GTSE1: variants seen among roughly 807,000 people sequenced by gnomAD.
The protein encoded by GTSE1 is G2 and S-phase expressed 1, also known as G2 and S phase-expressed protein 1.
A neutral mutation model predicts 60.5 loss-of-function variants in GTSE1; 52 were observed. The ratio of observed to expected loss-of-function variants is 0.86; its 90% confidence interval spans 0.69 to 1.08. GTSE1 has a LOEUF of 1.08. GTSE1 is among the 50% of genes least tolerant of loss of function. The pLI is 0.00. For missense variants in GTSE1, 937 were observed against 961.8 expected, an observed-to-expected ratio of 0.97 and a Z score of 0.34; for synonymous variants, 368 against 386.5, an observed-to-expected ratio of 0.95 and a Z score of 0.56.
At position 46,324,469 on chromosome 22, in the gene GTSE1, G is replaced by A. The variant is rs541875924; in HGVS notation, c.1505+1207G>A. On this transcript the variant is annotated intron_variant, in intron 8 of 11. Transcript: ENST00000454366. The surrounding 1 kb of genome is among the most constrained non-coding windows in gnomAD (Gnocchi z 5.2). Reference sequence around the variant, plus strand: ...GGTAAGCTCCGCCTCCTGGATTCACGCCATTCTCCTGCCTCAGCCTCCCAA... The same window carrying A: ...GGTAAGCTCCGCCTCCTGGATTCACACCATTCTCCTGCCTCAGCCTCCCAA... Among the ~76,000 whole-genome samples, 90 of 152,154 alleles carry A rather than the reference G, an allele frequency of 5.9e-4. 1 individual carries two copies. In the South Asian group the frequency reaches 8.9e-3, roughly 15 times the overall value.
chr22:46,311,716 T>C (rs879297204), intron 4 of GTSE1, among the ~76,000 whole-genome samples: 6 of 152,234 alleles, frequency 3.9e-5, no homozygotes, highest in Non-Finnish European at 5.9e-5. Context: ...CTTTCAGTAC[T>C]AGACCAAGAA....
chr22:46,308,333 A>T lies in GTSE1; in HGVS notation c.152A>T (p.Asp51Val). ...TAAACAAATAGTGCAAATGAAGATG[A>T]TGAAGTCTTCTTCGGACCCTTTGGA... ...SLSSSSANED[D>V]EVFFGPFGHK... Residue 51 changes from aspartate to valine, a missense_variant, in exon 4 of 12, where the codon GAT becomes GTT. Physicochemically the swap from Asp to Val is radical, Grantham distance 152. Transcript: ENST00000454366. The T allele has an allele frequency of 1.9e-6, 3 of 1,613,046 alleles. No homozygotes were observed. Among genetic ancestry groups the T allele is most frequent in the Non-Finnish European group, 2.5e-6 (3 of 1,179,102 alleles).
Position 46,304,571 on chromosome 22 carries a change from A to T in GTSE1, c.80-3579A>T, listed in dbSNP as rs979634362. ...CTAGTAATAAAATGATTATATGAGT[A>T]GATTGTATGAAATGAAACCATCTCA... On this transcript the variant is annotated intron_variant, in intron 2 of 11. Coordinates refer to ENST00000454366, the MANE Select transcript of GTSE1 (RefSeq NM_016426.7). This position sits in a 1 kb window ranked among gnomAD's most constrained non-coding sequence, Gnocchi z 4.4. Among the ~76,000 whole-genome samples the T allele has an allele frequency of 3.3e-5, 5 of 152,242 alleles. No individual in the cohort carries two copies. The highest frequency in any genetic ancestry group is 1.2e-4 in the African/African-American group (5 of 41,468).
chr22:46,330,113 C>A lies in GTSE1; in HGVS notation c.2203C>A (p.Pro735Thr). ...PEADKENVDS[P>T]LLKF Reference sequence around the variant, plus strand: ...GGCTGACAAGGAGAACGTGGATTCCCCACTCCTCAAGTTCTAAGCCGAACC... The same window carrying A: ...GGCTGACAAGGAGAACGTGGATTCCACACTCCTCAAGTTCTAAGCCGAACC... Residue 735 changes from proline (P) to threonine (T), a missense_variant, in exon 12 of 12, where the codon CCA becomes ACA. Physicochemically the swap from Pro to Thr is conservative, Grantham distance 38 (BLOSUM62 -1). Transcript: ENST00000454366. The surrounding 1 kb of genome is among the most constrained non-coding windows in gnomAD (Gnocchi z 6.0). The A allele has an allele frequency of 6.2e-7, 1 of 1,603,626 alleles. No individual in the cohort carries two copies.
rs1251214775 is a variant in GTSE1, at chr22:46,321,612, G to T, written c.1433-1578G>T. On this transcript the variant is annotated intron_variant, in intron 7 of 11. Transcript: ENST00000454366. This position sits in a 1 kb window ranked among gnomAD's most constrained non-coding sequence, Gnocchi z 4.0. The stretch of plus-strand genomic sequence containing the variant: ...AACGGAGTTTCTGAAGAATGCGGAG[G>T]TAGCAATGTGGGTGCGTGATTTAGA... Among the ~76,000 whole-genome samples the T allele has an allele frequency of 6.6e-6, 1 of 152,182 alleles. No individual in the cohort carries two copies. The highest frequency in any genetic ancestry group is 1.5e-5 in the Non-Finnish European group (1 of 68,038).
At position 46,329,545 on chromosome 22, in the gene GTSE1, A is replaced by G; in HGVS notation, c.2114A>G (p.Lys705Arg). ...NTPDMNKNVA[K>R]PSPVVGQLID... ...CCAGACATGAATAAAAATGTGGCCA[A>G]ACCTTCACCGGTGGTGGGACAGGTG... The change falls in exon 11 of 12, where the codon AAA becomes AGA. Residue 705 changes from lysine to arginine, a missense_variant. By Grantham distance (26) the Lys-to-Arg change is conservative. Transcript: ENST00000454366. This position sits in a 1 kb window ranked among gnomAD's most constrained non-coding sequence, Gnocchi z 6.4. 6 of 1,614,086 alleles carry G rather than the reference A, an allele frequency of 3.7e-6. No individual in the cohort carries two copies. Among genetic ancestry groups the G allele is most frequent in the Non-Finnish European group, 5.1e-6 (6 of 1,179,974 alleles).
rs78720958 is a variant in GTSE1, at chr22:46,319,408, C to T, written c.1432+2996C>T. Among the ~76,000 whole-genome samples, 2,192 of 152,248 alleles carry T rather than the reference C, an allele frequency of 0.014. 47 individuals carry two copies. The highest frequency in any genetic ancestry group is 0.05 in the African/African-American group (2,060 of 41,530). On this transcript the variant is annotated intron_variant, in intron 7 of 11. Coordinates refer to ENST00000454366, the MANE Select transcript of GTSE1 (RefSeq NM_016426.7). This position sits in a 1 kb window ranked among gnomAD's most constrained non-coding sequence, Gnocchi z 5.0. ...CTAGTGCTGGGGAAGGAGGCTGGAG[C>T]GCTGCGGTCTGCCTGACGTTCTGGT... is the stretch of plus-strand genomic sequence containing the variant.
chr22:46,305,405 C>G (rs143604973), intron 2 of GTSE1, among the ~76,000 whole-genome samples: 2,204 of 148,160 alleles, frequency 0.015, 46 homozygotes, highest in African/African-American at 0.052. Context: ...GTCAGGAGAT[C>G]GAGACCATCC....
At position 46,317,106 on chromosome 22, in the gene GTSE1, T is replaced by G. The variant is rs765098238; in HGVS notation, c.1432+694T>G. On this transcript the variant is annotated intron_variant, in intron 7 of 11. Coordinates refer to ENST00000454366, the MANE Select transcript of GTSE1 (RefSeq NM_016426.7). This position sits in a 1 kb window ranked among gnomAD's most constrained non-coding sequence, Gnocchi z 5.6. ...CCTCCCGAGTAGCTGGGATTACAGG[T>G]GCCCACCACCACACCCGGCTAATTT... is the stretch of plus-strand genomic sequence containing the variant. 3.3e-5 allele frequency among the ~76,000 whole-genome samples: 5 copies of G among 152,062 alleles called. No homozygotes were observed. Among genetic ancestry groups the G allele is most frequent in the Non-Finnish European group, 5.9e-5 (4 of 68,012 alleles).
At position 46,329,289 on chromosome 22, in the gene GTSE1, C is replaced by T. The variant is rs776074103; in HGVS notation, c.1927-69C>T. Reference sequence around the variant, plus strand: ...CAGCCCACCTGGAACATGAGCAAAGCTCACATTCTCCCAAGATGGTTGCCA... The same window carrying T: ...CAGCCCACCTGGAACATGAGCAAAGTTCACATTCTCCCAAGATGGTTGCCA... On this transcript the variant is annotated intron_variant, in intron 10 of 11. Transcript: ENST00000454366. This position sits in a 1 kb window ranked among gnomAD's most constrained non-coding sequence, Gnocchi z 6.4. The T allele has an allele frequency of 1.7e-5, 22 of 1,284,620 alleles. No individual in the cohort carries two copies. The highest frequency in any genetic ancestry group is 1.8e-5 in the Non-Finnish European group (16 of 885,664). 79.6% of individuals were successfully genotyped at this position (1,284,620 alleles called of 1,614,324 possible).
chr22:46,322,073 CAAAAAA>C (rs769915567), intron 7 of GTSE1, among the ~76,000 whole-genome samples: 6 of 44,610 alleles, frequency 1.3e-4, no homozygotes, highest in Non-Finnish European at 2.3e-4. Context: ...GACTCTGTCT[CAAAAAA>C]AAAAAAAAAA....
At chr22:46,322,863 G>A (rs763154642) in intron 7 of GTSE1, among the ~76,000 whole-genome samples, 8 of 152,198 alleles carry the variant, frequency 5.3e-5, no homozygotes, top group African/African-American at 1.7e-4. Context: ...AGTCGACTTC[G>A]CTCTGTGAAG....
At position 46,313,687 on chromosome 22, in the gene GTSE1, T is replaced by C. The variant is rs2077761764; in HGVS notation, c.928-203T>C. Among the ~76,000 whole-genome samples the C allele has an allele frequency of 6.6e-6, 1 of 152,148 alleles. No individual in the cohort carries two copies. Among genetic ancestry groups the C allele is most frequent in the African/African-American group, 2.4e-5 (1 of 41,428 alleles). On this transcript the variant is annotated intron_variant, in intron 5 of 11. Coordinates refer to ENST00000454366, the MANE Select transcript of GTSE1 (RefSeq NM_016426.7). This position sits in a 1 kb window ranked among gnomAD's most constrained non-coding sequence, Gnocchi z 4.4. ...CCATGCCCAGCTAGTTTTTATATTT[T>C]TAGTAGAGACAAGGTTTCACCATAT...
intron 2 of GTSE1, among the ~76,000 whole-genome samples, chr22:46,298,216 G>GCCT (rs2077668919): frequency 6.6e-6 from 1 of 151,782 alleles, no homozygotes. Flanking sequence ...GCCTGCCTCG[G>GCCT]CCTCCCAAAG....
chr22:46,322,563 G>A (rs2077819597), intron 7 of GTSE1, among the ~76,000 whole-genome samples: 1 of 152,164 alleles, frequency 6.6e-6, no homozygotes, highest in Non-Finnish European at 1.5e-5. Context: ...CGTGGTGGCG[G>A]GACTGGACCT....
At position 46,308,591 on chromosome 22, in the gene GTSE1, T is replaced by G; in HGVS notation, c.410T>G (p.Phe137Cys). 1 of 1,614,140 alleles carries G rather than the reference T, an allele frequency of 6.2e-7. No individual in the cohort carries two copies. The highest frequency in any genetic ancestry group is 8.5e-7 in the Non-Finnish European group (1 of 1,180,026). ...EDPRSQGVER[F>C]IQESKLKINL... Reference sequence around the variant, plus strand: ...CCTCGGAGCCAGGGCGTGGAAAGATTCATACAGGAGTCAAAATTAAAAATA... The same window carrying G: ...CCTCGGAGCCAGGGCGTGGAAAGATGCATACAGGAGTCAAAATTAAAAATA... Residue 137 changes from phenylalanine to cysteine, a missense_variant, in exon 4 of 12, where the codon TTC (phenylalanine) becomes TGC (cysteine). Coordinates refer to ENST00000454366, the MANE Select transcript of GTSE1 (RefSeq NM_016426.7).
chr22:46,306,835 T>G (rs1341428855), intron 2 of GTSE1, among the ~76,000 whole-genome samples: 1 of 152,236 alleles, frequency 6.6e-6, no homozygotes, highest in African/African-American at 2.4e-5. Flanking sequence ...CTTTATAAGC[T>G]TTACAGTATT....
In GTSE1 at chr22:46,304,038, T is replaced by C. The variant is rs9627398; in HGVS notation, c.80-4112T>C. On this transcript the variant is annotated intron_variant, in intron 2 of 11. Coordinates refer to ENST00000454366, the MANE Select transcript of GTSE1 (RefSeq NM_016426.7). This position sits in a 1 kb window ranked among gnomAD's most constrained non-coding sequence, Gnocchi z 4.4. ...TGGTTTGTTTTGAGACAGTGTCTCT[T>C]GCTCTATTGCCCAGGATGGAGTGCA... 0.037 allele frequency among the ~76,000 whole-genome samples: 5,591 copies of C among 152,270 alleles called. 342 individuals are homozygous for C. Among genetic ancestry groups the C allele is most frequent in the African/African-American group, 0.13 (5,257 of 41,516 alleles).
rs1193535665 is a variant in GTSE1 at position 46,313,070 on chromosome 22, G to A, written c.927+765G>A. On this transcript the variant is annotated intron_variant, in intron 5 of 11. Transcript: ENST00000454366. The surrounding 1 kb of genome is among the most constrained non-coding windows in gnomAD (Gnocchi z 4.4). ...CCCAGCTATTTGGGAGGTTGAGGTG[G>A]GAGGATTGCTTGAGCCCAGGAGGTC... Among the ~76,000 whole-genome samples the A allele has an allele frequency of 6.6e-6, 1 of 151,498 alleles. No homozygotes were observed. Among genetic ancestry groups the A allele is most frequent in the Non-Finnish European group, 1.5e-5 (1 of 67,922 alleles).
Sources: gnomAD v4.1 joint callset for allele counts (sites outside exome capture counted in the v4.1 genomes callset) on GRCh38, gnomAD v4.1.1 for gene constraint, Gnocchi (gnomAD v3.1) non-coding constraint, MANE v1.5 for transcripts, NCBI Gene and HGNC (gene_info 2026-07-23, HGNC 2026-07-21) for gene names.